The following NFASC variants were observed in gnomAD, a reference collection of about 807,000 sequenced individuals.
NFASC encodes the protein neurofascin.
A neutral mutation model predicts 147.5 loss-of-function variants in NFASC; 43 were observed. The observed-to-expected ratio is 0.29, with a 90% confidence interval of 0.23 to 0.38. NFASC has a LOEUF of 0.38. Among genes scored for constraint, NFASC ranks in the 10% least tolerant of loss-of-function variants. NFASC has a pLI of 1.00. For missense variants in NFASC, 1,320 were observed against 1,689.0 expected (o/e 0.78, Z 3.83); for synonymous variants, 622 against 665.5 (o/e 0.93, Z 1.01).
intron 1 of NFASC, among the ~76,000 whole-genome samples, chr1:204,860,134 C>T (rs191190776): frequency 6.6e-6 from 1 of 152,166 alleles, no homozygotes; most frequent in Non-Finnish European, 1.5e-5. Flanking sequence ...TACAGGCTCA[C>T]ACCCTGATGG....
intron 1 of NFASC, among the ~76,000 whole-genome samples, chr1:204,890,939 C>T (rs1333249817): frequency 6.6e-6 from 1 of 152,178 alleles, no homozygotes; most frequent in Non-Finnish European, 1.5e-5. Flanking sequence ...GATGCTCACC[C>T]AATGGTCTCA....
chr1:204,991,579 C>G (rs1336352127), intron 24 of NFASC, among the ~76,000 whole-genome samples: 2 of 152,246 alleles, frequency 1.3e-5, no homozygotes, highest in Non-Finnish European at 2.9e-5. Context: ...CGGCCCTGAC[C>G]TGCTCTCTGG....
chr1:204,994,271 C>T (rs953263701), intron 24 of NFASC, among the ~76,000 whole-genome samples: 1 of 152,200 alleles, frequency 6.6e-6, no homozygotes, highest in Non-Finnish European at 1.5e-5. Context: ...TTCCTTTCTG[C>T]CACACTTGGC....
intron 1 of NFASC, among the ~76,000 whole-genome samples, chr1:204,864,771 G>T: frequency 1.3e-5 from 2 of 152,296 alleles, no homozygotes; most frequent in Non-Finnish European, 2.9e-5. Flanking sequence ...AGGAGTTCCT[G>T]ATATAGCCTG....
chr1:204,873,152 T>G, intron 1 of NFASC, among the ~76,000 whole-genome samples: 1 of 113,712 alleles, frequency 8.8e-6, no homozygotes. Context: ...TGTTCTTCCT[T>G]CCAGGCACCT....
rs763684654 is a variant in NFASC at position 204,944,261 on chromosome 1, C to G, written c.-55C>G. 1.3e-6 allele frequency: 2 copies of G among 1,596,150 alleles called. No individual in the cohort carries two copies. The highest frequency in any genetic ancestry group is 1.1e-5 in the South Asian group (1 of 88,482). ...TCCAGGAGGCCCAGTTAAAGCGGCT[C>G]GAGGTGACAAGACCCCGAGTGCTGG... On this transcript the variant is annotated 5_prime_UTR_variant, in exon 3 of 30. Coordinates refer to ENST00000339876, the MANE Select transcript of NFASC (RefSeq NM_001005388.3).
At position 204,844,606 on chromosome 1, in the gene NFASC, C is replaced by T. The variant is rs140402618; in HGVS notation, c.-200+15824C>T. On this transcript the variant is annotated intron_variant, in intron 1 of 29. Transcript: ENST00000339876. ...TACTAAAGGACAACTGCAGGCTGGG[C>T]GCGGTGGCTCATGCCTGTAATCCCA... Among the ~76,000 whole-genome samples the T allele has an allele frequency of 4.1e-3, 624 of 152,220 alleles. 8 individuals are homozygous for T. The highest frequency in any genetic ancestry group is 0.014 in the African/African-American group (583 of 41,538).
intron 13 of NFASC, 123 bp from the exon 14 acceptor site, chr1:204,974,534 G>A (rs1386021079): frequency 2.5e-6 from 3 of 1,193,828 alleles, no homozygotes; most frequent in Non-Finnish European, 3.7e-6. Flanking sequence ...GAGGCTCAGG[G>A]CTCCAGTCTC....
At chr1:204,834,150 T>A (rs1407691651) in intron 1 of NFASC, among the ~76,000 whole-genome samples, 5 of 152,148 alleles carry the variant, frequency 3.3e-5, no homozygotes, top group Non-Finnish European at 7.3e-5. Flanking sequence ...TGCCTCATCC[T>A]GCCTATTCTC....
chr1:204,976,825 C>A, intron 16 of NFASC, 30 bp downstream of exon 16: 1 of 1,594,188 alleles, frequency 6.3e-7, no homozygotes. Context: ...CTGGCACTGA[C>A]CAGCCCCACC....
chr1:204,988,457 G>C (rs1018468762), intron 22 of NFASC, among the ~76,000 whole-genome samples, 176 bp from the exon 23 acceptor site: 1 of 152,238 alleles, frequency 6.6e-6, no homozygotes, highest in Admixed American at 6.5e-5. Context: ...AAAGAGCCCG[G>C]AGGGAGTTCT....
chr1:204,995,314 CAG>C (rs1491450691), intron 24 of NFASC, among the ~76,000 whole-genome samples: 2 of 79,602 alleles, frequency 2.5e-5, no homozygotes, highest in Admixed American at 1.5e-4. Context: ...GATGTGTGCA[CAG>C]TGTGTGTGTG....
At chr1:204,890,729 C>T (rs907042366) in intron 1 of NFASC, among the ~76,000 whole-genome samples, 4 of 152,190 alleles carry the variant, frequency 2.6e-5, no homozygotes, top group African/African-American at 9.6e-5. Flanking sequence ...ACCACCACAC[C>T]TGGCTAATTT....
chr1:204,843,101 T>C (rs1012863360), intron 1 of NFASC, among the ~76,000 whole-genome samples: 1 of 152,140 alleles, frequency 6.6e-6, no homozygotes, highest in African/African-American at 2.4e-5. Context: ...GAGAGAGCTT[T>C]TATATGGCAC....
intron 1 of NFASC, among the ~76,000 whole-genome samples, chr1:204,838,063 C>T (rs1313492773): frequency 3.3e-5 from 5 of 152,294 alleles, no homozygotes; most frequent in African/African-American, 9.6e-5. Flanking sequence ...AGCAGAACTT[C>T]CCAGAACACC....
chr1:204,996,597 C>T (rs1448668409), intron 24 of NFASC, among the ~76,000 whole-genome samples: 1 of 152,238 alleles, frequency 6.6e-6, no homozygotes, highest in Non-Finnish European at 1.5e-5. Flanking sequence ...GCAAGGCTCA[C>T]CCGCGCAGAG....
chr1:204,982,291 C>T (rs902052841), intron 21 of NFASC, among the ~76,000 whole-genome samples: 26 of 152,224 alleles, frequency 1.7e-4, no homozygotes, highest in African/African-American at 5.3e-4. Context: ...AAAGGGAAAA[C>T]CCTCGGCAGT....
At chr1:204,939,893 T>C (rs1241626914) in intron 2 of NFASC, among the ~76,000 whole-genome samples, 1 of 152,258 alleles carries the variant, frequency 6.6e-6, no homozygotes, top group Non-Finnish European at 1.5e-5. Context: ...TTGAGCTCAG[T>C]ACTAGAACTC....
rs1574567330 is a variant in NFASC at position 205,016,205 on chromosome 1, T to C, written c.3492-103T>C. 1.3e-6 allele frequency: 1 copy of C among 798,270 alleles called. No individual in the cohort carries two copies. Among genetic ancestry groups the C allele is most frequent in the East Asian group, 2.4e-5 (1 of 40,960 alleles). The allele number at this position is 798,270 out of a possible 1,614,324, so 49.4% of individuals were successfully genotyped here. ...GTGAAGCGGGGGCTGGACTGGGCGG[T>C]CTCCTGGATCCCATCCTCTCTGAGC... On this transcript the variant is annotated intron_variant, in intron 29 of 29. Coordinates refer to ENST00000339876, the MANE Select transcript of NFASC (RefSeq NM_001005388.3). The surrounding 1 kb of genome is among the most constrained non-coding windows in gnomAD (Gnocchi z 5.1).
Sources: gnomAD v4.1 joint callset for allele counts (sites outside exome capture counted in the v4.1 genomes callset) on GRCh38, gnomAD v4.1.1 for gene constraint, Gnocchi (gnomAD v3.1) non-coding constraint, MANE v1.5 for transcripts, NCBI Gene and HGNC (gene_info 2026-07-23, HGNC 2026-07-21) for gene names.